Variants in IL1RAPL1 observed in about 807,000 individuals in gnomAD.
IL1RAPL1 encodes the protein interleukin-1 receptor accessory protein-like 1.
A neutral mutation model predicts 48.4 loss-of-function variants in IL1RAPL1; 3 were observed. The ratio of observed to expected loss-of-function variants is 0.06; its 90% CI spans 0.03 to 0.16. The LOEUF (loss-of-function observed/expected upper bound fraction) is 0.16, where lower values mean the gene tolerates loss of function less well. IL1RAPL1 is among the 10% of genes least tolerant of loss of function. The pLI, the probability that IL1RAPL1 is intolerant of heterozygous loss-of-function variation, is 1.00. For synonymous variants in IL1RAPL1, 185 were observed against 187.7 expected (o/e 0.99, Z 0.12); for missense variants, 349 against 530.6 (o/e 0.66, Z 3.36).
rs111649509 is a variant in IL1RAPL1 at position 28,731,181 on chromosome X, C to T, written c.-24-58139C>T. On this transcript the variant is annotated intron_variant, in intron 1 of 10. Transcript: ENST00000378993. ...TACTCTTTTAAAAGAATATCTGTCA[C>T]GTTCATTTGTCCTTTTTTCATTTTG... Among the ~76,000 whole-genome samples, 213 of 111,671 alleles carry T rather than the reference C, an allele frequency of 1.9e-3. 2 individuals carry two copies. The highest frequency in any genetic ancestry group is 5.6e-3 in the African/African-American group (172 of 30,781).
At chrX:29,251,103 C>A (rs1317250838) in intron 2 of IL1RAPL1, among the ~76,000 whole-genome samples, 2 of 114,234 alleles carry the variant, frequency 1.8e-5, no homozygotes, top group East Asian at 2.7e-4. Context: ...TTTATTACCC[C>A]TGTTTTGCAA....
intron 2 of IL1RAPL1, among the ~76,000 whole-genome samples, chrX:28,894,774 G>T (rs1475707855): frequency 9.0e-6 from 1 of 111,061 alleles, no homozygotes. Context: ...TACAGGGTGC[G>T]GTCCTGGCTC....
chrX:29,777,033 T>C (rs1929215824), intron 6 of IL1RAPL1, among the ~76,000 whole-genome samples: 2 of 112,113 alleles, frequency 1.8e-5, no homozygotes, highest in South Asian at 7.4e-4. Context: ...GTGGGTCTTA[T>C]AAATTCACTG....
chrX:29,744,219 T>A (rs1194531520), intron 6 of IL1RAPL1, among the ~76,000 whole-genome samples: 2 of 112,161 alleles, frequency 1.8e-5, no homozygotes, highest in Non-Finnish European at 3.8e-5. Context: ...CTCAGGGTGA[T>A]GCTTTGTAGG....
chrX:29,473,687 A>C (rs1327712360), intron 5 of IL1RAPL1, among the ~76,000 whole-genome samples: 1 of 102,013 alleles, frequency 9.8e-6, no homozygotes, highest in Non-Finnish European at 2.0e-5. Context: ...CTTAGTGAGG[A>C]ATTCTCTCAT....
chrX:28,668,480 G>A (rs947166847), intron 1 of IL1RAPL1, among the ~76,000 whole-genome samples: 11 of 112,804 alleles, frequency 9.8e-5, no homozygotes, highest in African/African-American at 3.5e-4. Context: ...GGCTTGTCTC[G>A]AACTCCTGAC....
intron 2 of IL1RAPL1, among the ~76,000 whole-genome samples, chrX:29,228,092 A>G (rs1250974686): frequency 1.9e-5 from 2 of 107,018 alleles, no homozygotes; most frequent in African/African-American, 3.4e-5. Flanking sequence ...CTTTATTACT[A>G]TCCTTGATGT....
At chrX:28,609,237 C>T (rs773002698) in intron 1 of IL1RAPL1, among the ~76,000 whole-genome samples, 7 of 111,508 alleles carry the variant, frequency 6.3e-5, no homozygotes, top group Non-Finnish European at 3.8e-5. Flanking sequence ...TGCTTGAATA[C>T]GGGAATATCC....
chrX:28,624,760 C>G (rs763799587), intron 1 of IL1RAPL1, among the ~76,000 whole-genome samples: 1 of 111,888 alleles, frequency 8.9e-6, no homozygotes, highest in Non-Finnish European at 1.9e-5. Context: ...ATCCTTTTAG[C>G]TGTTTTGTGT....
chrX:29,766,369 AT>A, intron 6 of IL1RAPL1, among the ~76,000 whole-genome samples: 1 of 80,855 alleles, frequency 1.2e-5, no homozygotes, highest in Admixed American at 1.4e-4. Context: ...ATATAGATAG[AT>A]AGATAGATAG....
intron 2 of IL1RAPL1, chrX:28,942,140 C>T (rs1244634957): frequency 9.1e-6 from 1 of 109,478 alleles, no homozygotes; most frequent in Non-Finnish European, 1.9e-5. Flanking sequence ...GAATTGCCAT[C>T]GGGAAGTACT....
At chrX:29,506,531 G>A (rs1935332538) in intron 5 of IL1RAPL1, among the ~76,000 whole-genome samples, 1 of 106,453 alleles carries the variant, frequency 9.4e-6, no homozygotes, top group African/African-American at 3.5e-5. Context: ...GCACCAGGTG[G>A]TTCCTTAAGC....
At chrX:28,642,802 T>C (rs1274458925) in intron 1 of IL1RAPL1, among the ~76,000 whole-genome samples, 1 of 110,613 alleles carries the variant, frequency 9.0e-6, no homozygotes. Context: ...AAGAAATAAC[T>C]AAGATCAGAG....
At chrX:29,080,223 C>T (rs143131259) in intron 2 of IL1RAPL1, among the ~76,000 whole-genome samples, 28 of 108,997 alleles carry the variant, frequency 2.6e-4, no homozygotes, top group African/African-American at 9.4e-4. Flanking sequence ...CCCATCTCTA[C>T]AAAAAATTAG....
At chrX:29,127,354 A>G (rs1358150899) in intron 2 of IL1RAPL1, among the ~76,000 whole-genome samples, 3 of 111,771 alleles carry the variant, frequency 2.7e-5, no homozygotes, top group Non-Finnish European at 5.6e-5. Flanking sequence ...TAGGATCTGC[A>G]TACATAGCAA....
At chrX:29,940,640 A>T (rs1933112031) in intron 8 of IL1RAPL1, among the ~76,000 whole-genome samples, 1 of 111,959 alleles carries the variant, frequency 8.9e-6, no homozygotes, top group East Asian at 2.8e-4. Flanking sequence ...TCTATGCATG[A>T]TGGCTTACTA....
intron 5 of IL1RAPL1, among the ~76,000 whole-genome samples, chrX:29,523,353 G>A (rs2147773959): frequency 9.0e-6 from 1 of 111,278 alleles, no homozygotes; most frequent in South Asian, 3.7e-4. Context: ...CAAGAGCACT[G>A]TCCCCTTTCC....
At chrX:29,631,909 G>C (rs995172256) in intron 5 of IL1RAPL1, among the ~76,000 whole-genome samples, 1 of 111,877 alleles carries the variant, frequency 8.9e-6, no homozygotes, top group African/African-American at 3.2e-5. Flanking sequence ...ACAAAAAGGA[G>C]AAGATTTAGT....
chrX:29,174,870 C>T (rs1483358934), intron 2 of IL1RAPL1, among the ~76,000 whole-genome samples: 4 of 110,550 alleles, frequency 3.6e-5, no homozygotes. Context: ...GTCAGGGGAT[C>T]GACACCATAC....
Sources: allele counts gnomAD v4.1 joint callset (sites outside exome capture counted in the v4.1 genomes callset), GRCh38; gene constraint gnomAD v4.1.1; transcripts MANE v1.5; gene names NCBI Gene and HGNC (gene_info 2026-07-23, HGNC 2026-07-21).